Variants in SLC4A10 observed in about 807,000 individuals in gnomAD.
SLC4A10 encodes sodium-driven chloride bicarbonate exchanger.
A neutral mutation model predicts 137.7 loss-of-function variants in SLC4A10; 42 were observed. That is an observed-to-expected ratio of 0.30 (90% CI 0.24 to 0.39). The LOEUF is 0.39. Among genes scored for constraint, SLC4A10 ranks in the 10% least tolerant of loss-of-function variants. The probability of loss-of-function intolerance (pLI) is 1.00; values close to 1 mark genes in which losing one functional copy is unlikely to be tolerated. For missense variants in SLC4A10, 925 were observed against 1,355.0 expected, an observed-to-expected ratio of 0.68 and a Z score of 4.98; for synonymous variants, 474 against 464.1, an observed-to-expected ratio of 1.02 and a Z score of -0.27.
Position 161,904,688 on chromosome 2 carries a change from C to T in SLC4A10, c.1618-88C>T, listed in dbSNP as rs182129057. 36 of 1,504,090 alleles carry T rather than the reference C, an allele frequency of 2.4e-5. 1 individual carries two copies. In the Admixed American group the frequency reaches 3.9e-4, roughly 16 times the overall value. The allele number at this position is 1,504,090 out of a possible 1,614,324, so 93.2% of individuals were successfully genotyped here. On this transcript the variant is annotated intron_variant, in intron 13 of 26. Transcript: ENST00000446997. The stretch of plus-strand genomic sequence containing the variant: ...ACTTTTCAGGGTGAAGCACAAAGCA[C>T]ATATCCATGTATTTTAAATGTCTTC...
intron 1 of SLC4A10, among the ~76,000 whole-genome samples, chr2:161,656,124 A>G (rs1193881443): frequency 6.6e-6 from 1 of 152,118 alleles, no homozygotes. Context: ...AAATTCTTTT[A>G]ATACATCATG....
chr2:161,649,254 G>A (rs887527694), intron 1 of SLC4A10, among the ~76,000 whole-genome samples: 12 of 152,158 alleles, frequency 7.9e-5, no homozygotes, highest in Admixed American at 7.2e-4. Flanking sequence ...CCAGCTACTC[G>A]GAAAGCTGAA....
Position 161,935,582 on chromosome 2 carries a change from G to A in SLC4A10, c.1998-7210G>A, listed in dbSNP as rs750867497. ...ATGTTTTATAGTTTTCAGTGTACAG[G>A]TCTTTCACCTCCTTTGGATTAAATT... On this transcript the variant is annotated intron_variant, in intron 15 of 26. Coordinates refer to ENST00000446997, the MANE Select transcript of SLC4A10 (RefSeq NM_001178015.2). Among the ~76,000 whole-genome samples, 5 of 152,102 alleles carry A rather than the reference G, an allele frequency of 3.3e-5. No individual in the cohort carries two copies. In the South Asian group the frequency reaches 6.2e-4, roughly 19 times the overall value.
intron 1 of SLC4A10, among the ~76,000 whole-genome samples, chr2:161,721,907 C>T (rs1006537046): frequency 1.3e-5 from 2 of 152,186 alleles, no homozygotes; most frequent in Non-Finnish European, 2.9e-5. Flanking sequence ...TTTCTCTAAT[C>T]TTGTCGCCTG....
intron 1 of SLC4A10, among the ~76,000 whole-genome samples, chr2:161,660,971 T>C (rs1211094151): frequency 1.3e-5 from 2 of 152,024 alleles, no homozygotes; most frequent in African/African-American, 2.4e-5. Context: ...TGTATGCATT[T>C]TTCTATTAAA....
intron 13 of SLC4A10, 39 bp from the exon 14 acceptor site, chr2:161,904,737 T>C (rs754424580): frequency 2.2e-5 from 35 of 1,611,652 alleles, no homozygotes; most frequent in Non-Finnish European, 2.7e-5. Context: ...TGGCCTCCTG[T>C]ACAGCTTAGG....
chr2:161,674,500 T>C (rs1185127064), intron 1 of SLC4A10, among the ~76,000 whole-genome samples: 1 of 152,228 alleles, frequency 6.6e-6, no homozygotes, highest in Non-Finnish European at 1.5e-5. Context: ...TGTGATAGTT[T>C]AGCATTATCA....
intron 3 of SLC4A10, among the ~76,000 whole-genome samples, chr2:161,809,487 T>C (rs1476638931): frequency 6.6e-6 from 1 of 152,152 alleles, no homozygotes; most frequent in African/African-American, 2.4e-5. Flanking sequence ...TAAGCTTTCT[T>C]CTAGAATTAT....
chr2:161,933,243 CTTTCTTTCTTCT>C (rs1475243415), intron 15 of SLC4A10, among the ~76,000 whole-genome samples: 1 of 97,862 alleles, frequency 1.0e-5, no homozygotes, highest in Non-Finnish European at 2.1e-5. Context: ...TTCTTTCTTT[CTTTCTTTCTTCT>C]TTCTTTCTCC....
chr2:161,730,684 G>T (rs938956940), intron 1 of SLC4A10, among the ~76,000 whole-genome samples: 3 of 152,172 alleles, frequency 2.0e-5, no homozygotes, highest in African/African-American at 7.2e-5. Context: ...TGGACTAGAT[G>T]ACCTCTAAGA....
chr2:161,910,456 G>T (rs1291926502), intron 15 of SLC4A10, among the ~76,000 whole-genome samples: 1 of 152,074 alleles, frequency 6.6e-6, no homozygotes, highest in African/African-American at 2.4e-5. Context: ...TTGATTTTAA[G>T]AAATGGCAAA....
chr2:161,628,849 T>C (rs2032979954), intron 1 of SLC4A10, among the ~76,000 whole-genome samples: 1 of 151,992 alleles, frequency 6.6e-6, no homozygotes, highest in Admixed American at 6.6e-5. Flanking sequence ...TTTATTAATA[T>C]TATGTTTATG....
At chr2:161,755,228 A>G (rs1260513599) in intron 1 of SLC4A10, among the ~76,000 whole-genome samples, 1 of 152,156 alleles carries the variant, frequency 6.6e-6, no homozygotes, top group African/African-American at 2.4e-5. Flanking sequence ...TGCTGTCATT[A>G]TGGGCTTCAG....
intron 15 of SLC4A10, among the ~76,000 whole-genome samples, chr2:161,919,000 G>A (rs1330407988): frequency 6.6e-6 from 1 of 152,310 alleles, no homozygotes; most frequent in East Asian, 1.9e-4. Flanking sequence ...TCCCCCCATA[G>A]GTTTGGAAGC....
At chr2:161,659,225 A>G (rs1162558530) in intron 1 of SLC4A10, among the ~76,000 whole-genome samples, 1 of 152,224 alleles carries the variant, frequency 6.6e-6, no homozygotes, top group Admixed American at 6.5e-5. Context: ...ATTCAGCCAT[A>G]AAAAAGAATG....
At chr2:161,961,949 G>A (rs774167840) in intron 21 of SLC4A10, among the ~76,000 whole-genome samples, 5 of 152,168 alleles carry the variant, frequency 3.3e-5, no homozygotes, top group Non-Finnish European at 7.4e-5. Context: ...AGCCCCAAGA[G>A]CAGGCAGCTG....
chr2:161,821,565 G>C (rs1002789195), intron 3 of SLC4A10, among the ~76,000 whole-genome samples: 2 of 152,126 alleles, frequency 1.3e-5, no homozygotes, highest in Non-Finnish European at 2.9e-5. Context: ...GGAGTTCAGG[G>C]TTACAGTGAT....
intron 2 of SLC4A10, among the ~76,000 whole-genome samples, chr2:161,773,869 T>C (rs1427494081): frequency 2.0e-5 from 3 of 151,890 alleles, no homozygotes; most frequent in African/African-American, 7.2e-5. Flanking sequence ...AAGAAAACTA[T>C]CTTACTAGAT....
chr2:161,974,592 A>G (rs754469249), intron 24 of SLC4A10, among the ~76,000 whole-genome samples: 8 of 152,272 alleles, frequency 5.3e-5, no homozygotes, highest in South Asian at 4.1e-4. Context: ...AATCCCTTTC[A>G]TATTCTCAGA....
Sources: gnomAD v4.1 joint callset for allele counts (sites outside exome capture counted in the v4.1 genomes callset) on GRCh38, gnomAD v4.1.1 for gene constraint, MANE v1.5 for transcripts, NCBI Gene and HGNC (gene_info 2026-07-23, HGNC 2026-07-21) for gene names.